The following FAM13B variants were observed in gnomAD, a reference collection of about 807,000 sequenced individuals.
FAM13B encodes protein FAM13B.
Under a neutral mutation model 117.3 loss-of-function variants are expected in FAM13B, and 60 were observed. That is an observed-to-expected ratio of 0.51 (90% CI 0.42 to 0.63). The LOEUF is 0.63. FAM13B is among the 30% of genes least tolerant of loss of function. FAM13B has a pLI of 0.00. For synonymous variants in FAM13B, 332 were observed against 356.1 expected (o/e 0.93, Z 0.76); for missense variants, 972 against 1,091.9 (o/e 0.89, Z 1.55).
At chr5:138,047,181 C>T (rs188419982) in intron 1 of FAM13B, among the ~76,000 whole-genome samples, 2 of 151,872 alleles carry the variant, frequency 1.3e-5, no homozygotes, top group South Asian at 4.2e-4. Context: ...ATAAAGATGG[C>T]TAGTGTAGGC....
chr5:137,983,176 T>TA (rs56880991), intron 10 of FAM13B, among the ~76,000 whole-genome samples: 1 of 75,118 alleles, frequency 1.3e-5, no homozygotes, highest in African/African-American at 5.7e-5. Flanking sequence ...CCAGTGTAGG[T>TA]AAAAAAAAAA....
Position 137,966,508 on chromosome 5 carries a change from G to T in FAM13B, c.1180-4039C>A, listed in dbSNP as rs1315339679. ...ATATATAGAGAGAGAGAGAGAGAGAGAGAGAGAGAGAGAGAGGGAAAGAGA... is the reference window on the plus strand; with the variant it reads ...ATATATAGAGAGAGAGAGAGAGAGATAGAGAGAGAGAGAGAGGGAAAGAGA... On this transcript the variant is annotated intron_variant, in intron 10 of 23. Transcript: ENST00000689681. Among the ~76,000 whole-genome samples the T allele has an allele frequency of 2.9e-4, 42 of 143,870 alleles. No homozygotes were observed. In the East Asian group the frequency reaches 8.5e-3, roughly 29 times the overall value. 94.4% of individuals were successfully genotyped at this position (143,870 alleles called of 152,430 possible). A position where few individuals can be genotyped will look rare whatever the true frequency, so the allele number is the denominator to read the frequency against.
chr5:137,962,312 A>C, intron 11 of FAM13B, 93 bp downstream of exon 11: 1 of 964,416 alleles, frequency 1.0e-6, no homozygotes, highest in Non-Finnish European at 1.6e-6. Flanking sequence ...CTATATATTT[A>C]TAATGGACAT....
At chr5:137,965,335 G>GGTGGCA (rs1769371165) in intron 10 of FAM13B, among the ~76,000 whole-genome samples, 1 of 152,114 alleles carries the variant, frequency 6.6e-6, no homozygotes, top group South Asian at 2.1e-4. Flanking sequence ...TGGCAGTGGC[G>GGTGGCA]GTGGCAGTGG....
rs115395959 is a variant in FAM13B, at chr5:138,017,391, T to C, written c.370+911A>G. On this transcript the variant is annotated intron_variant, in intron 4 of 23. Transcript: ENST00000689681. ...CTTAAGGATATATACACACATATTA[T>C]AGAATGCCCAGCTGTGATAGAGATA... Among the ~76,000 whole-genome samples, 866 of 152,308 alleles carry C rather than the reference T, an allele frequency of 5.7e-3. 11 individuals are homozygous for C. Among genetic ancestry groups the C allele is most frequent in the African/African-American group, 0.019 (805 of 41,578 alleles).
chr5:137,978,085 T>TC (rs1268156368), intron 10 of FAM13B, among the ~76,000 whole-genome samples: 1 of 152,294 alleles, frequency 6.6e-6, no homozygotes, highest in African/African-American at 2.4e-5. Context: ...TGTTTTTTTT[T>TC]CAAAATAACT....
At chr5:138,013,208 GAA>G (rs1393431684) in intron 4 of FAM13B, among the ~76,000 whole-genome samples, 1 of 84,198 alleles carries the variant, frequency 1.2e-5, no homozygotes, top group Non-Finnish European at 2.5e-5. Context: ...GTCTCAAAAA[GAA>G]AAAAAAAAAG....
At chr5:137,961,678 G>A (rs1287159257) in intron 11 of FAM13B, among the ~76,000 whole-genome samples, 1 of 152,172 alleles carries the variant, frequency 6.6e-6, no homozygotes, top group Admixed American at 6.5e-5. Context: ...TTAGTATACT[G>A]TCTGGGATCT....
chr5:137,942,555 G>A lies in FAM13B; in HGVS notation c.2588+320C>T, dbSNP rs1422241725. 2.4e-5 allele frequency: 7 copies of A among 287,142 alleles called. No individual in the cohort carries two copies. In the Admixed American group the frequency reaches 2.5e-4, roughly 10 times the overall value. 17.8% of individuals were successfully genotyped at this position (287,142 alleles called of 1,614,324 possible). A position where few individuals can be genotyped will look rare whatever the true frequency, so the allele number is the denominator to read the frequency against. On this transcript the variant is annotated intron_variant, in intron 22 of 23. Transcript: ENST00000689681. The stretch of plus-strand genomic sequence containing the variant: ...TAAACAAAATTTTTATACAGTCTGG[G>A]TCCCACTATATTGCCCAGGCTGGTC...
At chr5:138,012,381 G>A (rs1308552961) in intron 4 of FAM13B, among the ~76,000 whole-genome samples, 3 of 152,170 alleles carry the variant, frequency 2.0e-5, no homozygotes, top group African/African-American at 7.2e-5. Context: ...GGGGCTAATA[G>A]TATCAGTGAT....
rs573713612 is a variant in FAM13B, at chr5:138,047,108, G to A, written c.-203+4770C>T. Among the ~76,000 whole-genome samples, 24 of 152,270 alleles carry A rather than the reference G, an allele frequency of 1.6e-4. No homozygotes were observed. The South Asian group carries it at 2.5e-3, about 16-fold the overall frequency. On this transcript the variant is annotated intron_variant, in intron 1 of 3. Transcript: ENST00000502471. The stretch of plus-strand genomic sequence containing the variant: ...AGATATGGAGTGAGCTATCTGTAGA[G>A]AAGAAACAAAAGAACAATCATTTTT...
rs547311166 is a variant in FAM13B at position 137,996,283 on chromosome 5, C to T, written c.849-7968G>A. ...CCCGAACAGCTGGGACTACAGGCGCCGGCCACCACGCCTGGCTAATTTTTT... is the reference window on the plus strand; with the variant it reads ...CCCGAACAGCTGGGACTACAGGCGCTGGCCACCACGCCTGGCTAATTTTTT... On this transcript the variant is annotated intron_variant, in intron 7 of 23. Coordinates refer to ENST00000689681, the MANE Select transcript of FAM13B (RefSeq NM_001385994.1). Among the ~76,000 whole-genome samples the T allele has an allele frequency of 4.0e-5, 6 of 151,854 alleles. No individual in the cohort carries two copies. The East Asian group carries it at 1.2e-3, about 30-fold the overall frequency.
At chr5:138,012,653 C>T (rs2150913489) in intron 4 of FAM13B, among the ~76,000 whole-genome samples, 1 of 152,212 alleles carries the variant, frequency 6.6e-6, no homozygotes, top group Admixed American at 6.5e-5. Context: ...GTATTCATTC[C>T]ACTAATTGGT....
At chr5:138,034,050 A>C (rs367671598), upstream of FAM13B, 13 of 152,388 alleles carry the variant, frequency 8.5e-5, no homozygotes, top group East Asian at 2.5e-3. Context: ...TGTCTCCCAC[A>C]TTTCATCAGA....
At position 138,042,723 on chromosome 5, in the gene FAM13B, G is replaced by A. The variant is rs1252988943; in HGVS notation, c.-203+9155C>T. 4.0e-5 allele frequency among the ~76,000 whole-genome samples: 6 copies of A among 151,772 alleles called. No individual in the cohort carries two copies. The East Asian group carries it at 5.8e-4, about 15-fold the overall frequency. ...TTCTGGGAACGAGGGGCAAGAGTTC[G>A]TGGAGACACAAAAATAAGAATGCTC... On this transcript the variant is annotated intron_variant, in intron 1 of 3. Transcript: ENST00000502471.
At chr5:138,040,129 T>TG (rs1429414960) in intron 1 of FAM13B, 1 of 151,844 alleles carries the variant, frequency 6.6e-6, no homozygotes, top group Non-Finnish European at 1.5e-5. Flanking sequence ...CTAGGCGTAG[T>TG]GGCGCATGCC....
At chr5:138,001,983 C>T (rs1409585443) in intron 7 of FAM13B, among the ~76,000 whole-genome samples, 1 of 152,012 alleles carries the variant, frequency 6.6e-6, no homozygotes, top group Non-Finnish European at 1.5e-5. Flanking sequence ...ACTATGTATG[C>T]AGAACCTTAC....
At chr5:137,950,203 C>CTATAGGTAAA (rs1491233504) in intron 17 of FAM13B, among the ~76,000 whole-genome samples, 4 of 152,138 alleles carry the variant, frequency 2.6e-5, no homozygotes, top group African/African-American at 9.7e-5. Context: ...AGGGTAGAGT[C>CTATAGGTAAA]ACAGCGCTAA....
chr5:137,952,752 AAT>A lies in FAM13B; in HGVS notation c.1849-45_1849-44del, dbSNP rs762200838. The A allele has an allele frequency of 3.1e-5, 36 of 1,147,374 alleles. 1 individual carries two copies. The highest frequency in any genetic ancestry group is 3.1e-4 in the South Asian group (23 of 74,242). 71.1% of individuals were successfully genotyped at this position (1,147,374 alleles called of 1,614,324 possible). ...AGAATCACTGACACTTGTGATAAGC[AAT>A]AGTTACATTAATTTATGTCCAAATA... On this transcript the variant is annotated intron_variant, in intron 16 of 23. Transcript: ENST00000689681.
Sources: allele counts gnomAD v4.1 joint callset (sites outside exome capture counted in the v4.1 genomes callset), GRCh38; gene constraint gnomAD v4.1.1; transcripts MANE v1.5; gene names NCBI Gene and HGNC (gene_info 2026-07-23, HGNC 2026-07-21).